The following DPP10 variants were observed in gnomAD, a reference collection of about 807,000 sequenced individuals.
DPP10 encodes inactive dipeptidyl peptidase 10.
A neutral mutation model predicts 120.9 loss-of-function variants in DPP10; 33 were observed. That is an observed-to-expected ratio of 0.27 (90% CI 0.21 to 0.37). The LOEUF is 0.37. Ranked by LOEUF, DPP10 falls within the 10% of genes least tolerant of loss-of-function variation. DPP10 has a pLI of 1.00. For synonymous variants in DPP10, 337 were observed against 326.1 expected (o/e 1.03, Z -0.36); for missense variants, 816 against 942.8 (o/e 0.87, Z 1.76).
intron 1 of DPP10, among the ~76,000 whole-genome samples, chr2:115,087,215 A>T (rs1708783764): frequency 6.6e-6 from 1 of 152,200 alleles, no homozygotes; most frequent in East Asian, 1.9e-4. Context: ...AAACTGAAAC[A>T]CCTAGCTGAG....
At chr2:115,257,688 G>T (rs2059065500) in intron 1 of DPP10, among the ~76,000 whole-genome samples, 1 of 152,166 alleles carries the variant, frequency 6.6e-6, no homozygotes, top group South Asian at 2.1e-4. Flanking sequence ...CATCTGGATA[G>T]GATGTACAAC....
At chr2:114,712,721 T>TC (rs1465150340) in intron 1 of DPP10, among the ~76,000 whole-genome samples, 2 of 152,198 alleles carry the variant, frequency 1.3e-5, no homozygotes. Context: ...TAGATATACA[T>TC]CAGCCATTAC....
chr2:115,444,777 A>C (rs530333158), intron 3 of DPP10, among the ~76,000 whole-genome samples: 5 of 152,304 alleles, frequency 3.3e-5, no homozygotes, highest in Non-Finnish European at 7.4e-5. Flanking sequence ...ACATATGTAC[A>C]CTTTCTAAAA....
chr2:115,509,739 A>C (rs1329344864), intron 4 of DPP10, among the ~76,000 whole-genome samples: 2 of 152,166 alleles, frequency 1.3e-5, no homozygotes, highest in Non-Finnish European at 2.9e-5. Context: ...CTTAAAAAGA[A>C]GGAGCAGAGT....
At chr2:115,142,997 G>A (rs553999608) in intron 1 of DPP10, among the ~76,000 whole-genome samples, 1 of 152,232 alleles carries the variant, frequency 6.6e-6, no homozygotes, top group African/African-American at 2.4e-5. Context: ...TAAGGGGCAA[G>A]GCTCTTGACT....
chr2:115,759,867 G>A (rs1053070328), intron 11 of DPP10, among the ~76,000 whole-genome samples: 1 of 151,894 alleles, frequency 6.6e-6, no homozygotes, highest in Admixed American at 6.6e-5. Flanking sequence ...AAAATTAACC[G>A]GGCATGTTGG....
chr2:114,656,474 T>C (rs1696976493), intron 1 of DPP10, among the ~76,000 whole-genome samples: 1 of 152,156 alleles, frequency 6.6e-6, no homozygotes, highest in African/African-American at 2.4e-5. Context: ...ACTGATATTA[T>C]AGAAGTAAAC....
At chr2:115,237,930 A>T (rs1012429038) in intron 1 of DPP10, among the ~76,000 whole-genome samples, 1 of 152,212 alleles carries the variant, frequency 6.6e-6, no homozygotes, top group Non-Finnish European at 1.5e-5. Flanking sequence ...GTGCAAGCTG[A>T]AGCAGCAAGT....
At chr2:114,588,231 T>C (rs1691163661) in intron 1 of DPP10, among the ~76,000 whole-genome samples, 1 of 152,212 alleles carries the variant, frequency 6.6e-6, no homozygotes, top group African/African-American at 2.4e-5. Flanking sequence ...GGGGTTTATA[T>C]ACAAAGGCGT....
intron 2 of DPP10, among the ~76,000 whole-genome samples, chr2:115,336,525 A>G (rs967617155): frequency 1.3e-5 from 2 of 151,884 alleles, no homozygotes; most frequent in African/African-American, 2.4e-5. Flanking sequence ...AACTATTAAA[A>G]TATAGTAGGT....
At chr2:114,482,886 A>G (rs947271504) in intron 1 of DPP10, among the ~76,000 whole-genome samples, 13 of 152,224 alleles carry the variant, frequency 8.5e-5, no homozygotes, top group African/African-American at 2.9e-4. Context: ...TTCAGTCACC[A>G]AGTTCACTCC....
At chr2:115,782,326 T>C in intron 16 of DPP10, 26 bp from the exon 17 acceptor site, 1 of 1,592,334 alleles carries the variant, frequency 6.3e-7, no homozygotes, top group Non-Finnish European at 8.6e-7. Flanking sequence ...TTTAAAAATA[T>C]TTATACACAT....
At chr2:114,485,464 T>TC (rs1681427975) in intron 1 of DPP10, among the ~76,000 whole-genome samples, 1 of 148,156 alleles carries the variant, frequency 6.7e-6, no homozygotes, top group Non-Finnish European at 1.5e-5. Flanking sequence ...GAAAAACTGT[T>TC]TTTTTTTTTT....
At chr2:115,648,851 A>G (rs570421302) in intron 5 of DPP10, among the ~76,000 whole-genome samples, 6 of 152,174 alleles carry the variant, frequency 3.9e-5, no homozygotes, top group South Asian at 2.1e-4. Flanking sequence ...AGGATTCTCA[A>G]TATTCACCTT....
chr2:115,662,413 C>G (rs1659926206), intron 5 of DPP10, among the ~76,000 whole-genome samples: 1 of 144,806 alleles, frequency 6.9e-6, no homozygotes, highest in Non-Finnish European at 1.5e-5. Flanking sequence ...TAAGATAGCT[C>G]TATTTTTATT....
At chr2:114,918,938 A>G (rs1305854462) in intron 1 of DPP10, among the ~76,000 whole-genome samples, 3 of 151,952 alleles carry the variant, frequency 2.0e-5, no homozygotes, top group Admixed American at 1.3e-4. Flanking sequence ...CGTACCCCCG[A>G]ACCTAAAAAA....
intron 1 of DPP10, among the ~76,000 whole-genome samples, chr2:115,107,648 C>T (rs997245892): frequency 3.3e-5 from 5 of 151,602 alleles, no homozygotes; most frequent in African/African-American, 4.8e-5. Context: ...ATTTACATCA[C>T]GAGTATCTTA....
intron 1 of DPP10, among the ~76,000 whole-genome samples, chr2:114,830,887 A>G (rs1428768764): frequency 6.6e-6 from 1 of 151,922 alleles, no homozygotes; most frequent in Non-Finnish European, 1.5e-5. Flanking sequence ...TAAATTTATC[A>G]TTAGTTAACA....
intron 5 of DPP10, among the ~76,000 whole-genome samples, chr2:115,554,327 T>C (rs1259302676): frequency 6.6e-6 from 1 of 151,878 alleles, no homozygotes; most frequent in Non-Finnish European, 1.5e-5. Flanking sequence ...TTTCTATTTT[T>C]AGTTCCATTG....
Sources: gnomAD v4.1 joint callset for allele counts (sites outside exome capture counted in the v4.1 genomes callset) on GRCh38, gnomAD v4.1.1 for gene constraint, MANE v1.5 for transcripts, NCBI Gene and HGNC (gene_info 2026-07-23, HGNC 2026-07-21) for gene names.